TANGO6: variants seen among roughly 807,000 people sequenced by gnomAD.
TANGO6 encodes the protein transport and Golgi organization protein 6 homolog.
Under a neutral mutation model 114.2 loss-of-function variants are expected in TANGO6, and 90 were observed. That is an observed-to-expected ratio of 0.79 (90% confidence interval 0.66 to 0.94). The LOEUF is 0.94. Ranked by LOEUF, TANGO6 falls within the 40% of genes least tolerant of loss-of-function variation. The pLI, the probability that TANGO6 is intolerant of heterozygous loss-of-function variation, is 0.00. For missense variants in TANGO6, 1,274 were observed against 1,315.3 expected, an observed-to-expected ratio of 0.97 and a Z score of 0.49; for synonymous variants, 477 against 509.8, an observed-to-expected ratio of 0.94 and a Z score of 0.87.
At chr16:68,905,201 G>C (rs1249650427) in intron 9 of TANGO6, among the ~76,000 whole-genome samples, 3 of 151,666 alleles carry the variant, frequency 2.0e-5, no homozygotes, top group Non-Finnish European at 4.4e-5. Flanking sequence ...TTGCACTCCA[G>C]TCTGGGCAAC....
At chr16:68,989,683 A>G (rs1963930883) in intron 15 of TANGO6, among the ~76,000 whole-genome samples, 1 of 152,196 alleles carries the variant, frequency 6.6e-6, no homozygotes, top group Non-Finnish European at 1.5e-5. Flanking sequence ...TCTGTACTAG[A>G]CATTATGAAT....
chr16:69,020,625 T>A (rs906333199), intron 15 of TANGO6, among the ~76,000 whole-genome samples: 7 of 152,098 alleles, frequency 4.6e-5, no homozygotes, highest in African/African-American at 1.7e-4. Flanking sequence ...TGATTAAAAA[T>A]AGGTGACTTT....
chr16:68,966,481 G>A (rs971960437), intron 14 of TANGO6, among the ~76,000 whole-genome samples: 1 of 151,672 alleles, frequency 6.6e-6, no homozygotes, highest in Non-Finnish European at 1.5e-5. Context: ...GCCAGCCTGG[G>A]CAACAATGTG....
At chr16:68,999,561 A>G (rs1302423454) in intron 15 of TANGO6, among the ~76,000 whole-genome samples, 1 of 152,250 alleles carries the variant, frequency 6.6e-6, no homozygotes, top group African/African-American at 2.4e-5. Flanking sequence ...CAACATTGCC[A>G]TAAGTTAACA....
intron 2 of TANGO6, among the ~76,000 whole-genome samples, 191 bp downstream of exon 2, chr16:68,860,715 C>T (rs985061863): frequency 6.6e-6 from 1 of 152,160 alleles, no homozygotes; most frequent in African/African-American, 2.4e-5. Context: ...GTCCTTTGCA[C>T]ACCTGTAGAG....
At chr16:68,894,500 C>T (rs1962677034) in intron 7 of TANGO6, among the ~76,000 whole-genome samples, 1 of 152,096 alleles carries the variant, frequency 6.6e-6, no homozygotes, top group Non-Finnish European at 1.5e-5. Context: ...ACAGAAGCCG[C>T]TGTCCATGGT....
chr16:69,029,320 T>C (rs760830642), intron 16 of TANGO6, among the ~76,000 whole-genome samples: 5 of 152,178 alleles, frequency 3.3e-5, no homozygotes, highest in African/African-American at 4.8e-5. Flanking sequence ...GCAAATGACT[T>C]TGGGCTCAGT....
chr16:69,031,899 G>A (rs112588502), intron 16 of TANGO6, among the ~76,000 whole-genome samples: 44 of 152,048 alleles, frequency 2.9e-4, no homozygotes, highest in African/African-American at 1.0e-3. Context: ...CTGAGTTCAT[G>A]CAACCTGCCC....
intron 17 of TANGO6, among the ~76,000 whole-genome samples, chr16:69,059,147 T>C (rs1235783144): frequency 6.6e-6 from 1 of 151,504 alleles, no homozygotes; most frequent in Non-Finnish European, 1.5e-5. Flanking sequence ...CTATCATGGC[T>C]CACTACAACC....
rs560992577 is a variant in TANGO6 at position 68,893,779 on chromosome 16, A to C, written c.1378-6655A>C. On this transcript the variant is annotated intron_variant, in intron 7 of 17. Transcript: ENST00000261778. Reference sequence around the variant, plus strand: ...AACCAAAAAAAAAAAAAAAAAGGAAAAGAAAAATAACACGTGAAGTATTGT... The same window carrying C: ...AACCAAAAAAAAAAAAAAAAAGGAACAGAAAAATAACACGTGAAGTATTGT... Among the ~76,000 whole-genome samples, 666 of 151,500 alleles carry C rather than the reference A, an allele frequency of 4.4e-3. 7 individuals carry two copies. Among genetic ancestry groups the C allele is most frequent in the African/African-American group, 0.016 (643 of 41,284 alleles).
intron 17 of TANGO6, 56 bp downstream of exon 17, chr16:69,040,477 T>A: frequency 4.2e-6 from 6 of 1,430,526 alleles, no homozygotes. Context: ...TGTCTATTTC[T>A]CAATCTTCCT....
At chr16:68,864,519 T>G (rs925691219) in intron 3 of TANGO6, among the ~76,000 whole-genome samples, 1 of 151,974 alleles carries the variant, frequency 6.6e-6, no homozygotes, top group Non-Finnish European at 1.5e-5. Context: ...AAGTTGAGAC[T>G]GCAGTGAGCT....
At chr16:68,867,320 C>G (rs771142489) in intron 4 of TANGO6, 100 bp downstream of exon 4, 60 of 1,472,818 alleles carry the variant, frequency 4.1e-5, no homozygotes, top group East Asian at 9.1e-5. Context: ...TAAAACCTGA[C>G]TGAAACTAAA....
At chr16:69,004,263 T>C (rs1257846479) in intron 15 of TANGO6, among the ~76,000 whole-genome samples, 1 of 152,116 alleles carries the variant, frequency 6.6e-6, no homozygotes, top group Non-Finnish European at 1.5e-5. Flanking sequence ...CACATAAAGA[T>C]CCAATAGCTT....
In TANGO6 at chr16:68,919,122, G is replaced by C. The variant is rs537897491; in HGVS notation, c.2030G>C (p.Cys677Ser). ...DFVAATLQRA[C>S]ASLAHQAEST... Reference sequence around the variant, plus strand: ...GTAGCAGCAACATTGCAGAGAGCCTGTGCAAGCCTGGCCCATCAGGCAGAG... The same window carrying C: ...GTAGCAGCAACATTGCAGAGAGCCTCTGCAAGCCTGGCCCATCAGGCAGAG... The change falls in exon 12 of 18, where the codon TGT becomes TCT. Residue 677 changes from cysteine (C) to serine (S), a missense_variant. Coordinates refer to ENST00000261778, the MANE Select transcript of TANGO6 (RefSeq NM_024562.2). 16 of 1,613,296 alleles carry C rather than the reference G, an allele frequency of 9.9e-6. No homozygotes were observed. The highest frequency in any genetic ancestry group is 1.4e-5 in the Non-Finnish European group (16 of 1,179,686).
At chr16:68,865,620 C>G (rs1327211205) in intron 3 of TANGO6, among the ~76,000 whole-genome samples, 1 of 151,948 alleles carries the variant, frequency 6.6e-6, no homozygotes, top group African/African-American at 2.4e-5. Context: ...CATACTGGGG[C>G]AGGAAAGAAA....
chr16:68,993,860 C>G (rs1318333037), intron 15 of TANGO6, among the ~76,000 whole-genome samples: 1 of 152,102 alleles, frequency 6.6e-6, no homozygotes, highest in African/African-American at 2.4e-5. Context: ...TAGAATTTTT[C>G]CTTCCTGATT....
intron 4 of TANGO6, among the ~76,000 whole-genome samples, chr16:68,868,911 A>G (rs1334023198): frequency 6.6e-6 from 1 of 152,154 alleles, no homozygotes; most frequent in Non-Finnish European, 1.5e-5. Flanking sequence ...CACTGCCATC[A>G]TTCCCCCAAG....
chr16:68,883,047 A>G (rs1160007970), intron 7 of TANGO6, among the ~76,000 whole-genome samples: 3 of 152,008 alleles, frequency 2.0e-5, no homozygotes, highest in South Asian at 4.2e-4. Flanking sequence ...AAATACAAAG[A>G]TTAGCTGGAT....
Sources: allele counts gnomAD v4.1 joint callset (sites outside exome capture counted in the v4.1 genomes callset), GRCh38; gene constraint gnomAD v4.1.1; transcripts MANE v1.5; gene names NCBI Gene and HGNC (gene_info 2026-07-23, HGNC 2026-07-21).